The following COL25A1 variants were observed in gnomAD, a reference collection of about 807,000 sequenced individuals.
COL25A1 encodes collagen type XXV alpha 1 chain.
A neutral mutation model predicts 128.4 loss-of-function variants in COL25A1; 103 were observed. That is an observed-to-expected ratio of 0.80 (90% CI 0.68 to 0.94). COL25A1 has a LOEUF of 0.94. COL25A1 is among the 40% of genes least tolerant of loss of function. The pLI is 0.00. For synonymous variants in COL25A1, 279 were observed against 277.2 expected (o/e 1.01, Z -0.06); for missense variants, 745 against 840.0 (o/e 0.89, Z 1.40).
At chr4:109,080,733 A>G (rs189659158) in intron 3 of COL25A1, among the ~76,000 whole-genome samples, 1 of 152,294 alleles carries the variant, frequency 6.6e-6, no homozygotes, top group African/African-American at 2.4e-5. Flanking sequence ...CCTATTTATT[A>G]CTATTCTTTC....
At chr4:109,226,872 G>A (rs1192565275) in intron 3 of COL25A1, among the ~76,000 whole-genome samples, 1 of 151,972 alleles carries the variant, frequency 6.6e-6, no homozygotes, top group Admixed American at 6.5e-5. Flanking sequence ...AAACACTCAG[G>A]TATAGTAACA....
At chr4:108,931,139 T>G (rs1666534771) in intron 11 of COL25A1, among the ~76,000 whole-genome samples, 1 of 152,214 alleles carries the variant, frequency 6.6e-6, no homozygotes, top group Non-Finnish European at 1.5e-5. Flanking sequence ...TAAGACTTTC[T>G]TCTATTCAAA....
At chr4:108,989,832 T>C (rs891247863) in intron 6 of COL25A1, among the ~76,000 whole-genome samples, 1 of 152,168 alleles carries the variant, frequency 6.6e-6, no homozygotes. Context: ...TAAGTATATA[T>C]TTAAAATGTG....
intron 3 of COL25A1, among the ~76,000 whole-genome samples, chr4:109,259,999 CTCTT>C (rs1264434301): frequency 6.6e-6 from 1 of 152,230 alleles, no homozygotes; most frequent in African/African-American, 2.4e-5. Flanking sequence ...GCGATGCAAA[CTCTT>C]TCTCAAATTT....
At chr4:108,997,445 AG>A (rs1754893899) in intron 6 of COL25A1, among the ~76,000 whole-genome samples, 1 of 152,230 alleles carries the variant, frequency 6.6e-6, no homozygotes, top group African/African-American at 2.4e-5. Flanking sequence ...ATCTCTGAAT[AG>A]ACCAATAACA....
At chr4:109,252,460 G>A (rs1010327820) in intron 3 of COL25A1, among the ~76,000 whole-genome samples, 1 of 152,232 alleles carries the variant, frequency 6.6e-6, no homozygotes, top group African/African-American at 2.4e-5. Context: ...GCTGGGGCAA[G>A]TGGCTCACTG....
intron 6 of COL25A1, among the ~76,000 whole-genome samples, chr4:108,998,058 C>G (rs140088438): frequency 6.6e-6 from 1 of 152,126 alleles, no homozygotes; most frequent in Non-Finnish European, 1.5e-5. Context: ...CCTTTGAAAA[C>G]TGGCACAAGA....
At chr4:108,952,795 CAG>C (rs1158997025) in intron 8 of COL25A1, among the ~76,000 whole-genome samples, 1 of 144,712 alleles carries the variant, frequency 6.9e-6, no homozygotes, top group Non-Finnish European at 1.5e-5. Flanking sequence ...AAAGGGAAAA[CAG>C]GCATTTCTTC....
chr4:108,974,633 T>C, intron 6 of COL25A1, 74 bp from the exon 7 acceptor site: 2 of 1,245,798 alleles, frequency 1.6e-6, no homozygotes, highest in Non-Finnish European at 2.2e-6. Flanking sequence ...GCCAGGTTAG[T>C]TGAAAGATTC....
At chr4:108,876,597 T>C (rs1739486387) in intron 19 of COL25A1, among the ~76,000 whole-genome samples, 2 of 152,094 alleles carry the variant, frequency 1.3e-5, no homozygotes, top group South Asian at 4.1e-4. Context: ...AAAATATATA[T>C]AACATTATTT....
chr4:109,039,473 C>G (rs1226681006), intron 5 of COL25A1, among the ~76,000 whole-genome samples: 2 of 152,168 alleles, frequency 1.3e-5, no homozygotes, highest in East Asian at 3.9e-4. Context: ...TTGGAAAATA[C>G]ACACTACTTC....
At chr4:109,060,392 G>C (rs1349348928) in intron 3 of COL25A1, among the ~76,000 whole-genome samples, 1 of 152,078 alleles carries the variant, frequency 6.6e-6, no homozygotes, top group Non-Finnish European at 1.5e-5. Flanking sequence ...TGGCCCCCTT[G>C]ACCCCCACCT....
At chr4:109,244,160 GT>G (rs5860974) in intron 3 of COL25A1, among the ~76,000 whole-genome samples, 1 of 149,976 alleles carries the variant, frequency 6.7e-6, no homozygotes, top group Non-Finnish European at 1.5e-5. Flanking sequence ...AAAAAGCATG[GT>G]TTTTTTCATC....
chr4:108,884,967 A>G (rs1740609628), intron 18 of COL25A1, among the ~76,000 whole-genome samples: 1 of 152,222 alleles, frequency 6.6e-6, no homozygotes, highest in Non-Finnish European at 1.5e-5. Context: ...GAATGATAAT[A>G]AGAGGTTCCA....
chr4:108,869,971 GGC>G, intron 19 of COL25A1, among the ~76,000 whole-genome samples: 1 of 152,158 alleles, frequency 6.6e-6, no homozygotes, highest in East Asian at 1.9e-4. Context: ...TAAAATGTCA[GGC>G]TGGGTGCTGT....
intron 3 of COL25A1, among the ~76,000 whole-genome samples, chr4:109,110,865 C>G (rs560232833): frequency 6.6e-6 from 1 of 152,266 alleles, no homozygotes; most frequent in Non-Finnish European, 1.5e-5. Flanking sequence ...CTTAGTCTAG[C>G]TCTTCATCTA....
chr4:108,944,202 G>A (rs977429538), intron 8 of COL25A1, among the ~76,000 whole-genome samples: 3 of 152,108 alleles, frequency 2.0e-5, no homozygotes, highest in Non-Finnish European at 2.9e-5. Context: ...AAGTGGCTGC[G>A]TAGTTTTGAG....
chr4:109,026,135 C>T (rs1380527094), intron 5 of COL25A1, among the ~76,000 whole-genome samples: 3 of 150,690 alleles, frequency 2.0e-5, no homozygotes, highest in East Asian at 3.9e-4. Context: ...CACACACACA[C>T]ATATACTCTT....
intron 3 of COL25A1, among the ~76,000 whole-genome samples, chr4:109,118,092 G>A (rs1767771320): frequency 6.6e-6 from 1 of 151,356 alleles, no homozygotes; most frequent in African/African-American, 2.4e-5. Flanking sequence ...AAACATCAGT[G>A]GTCGAAATAC....
Sources: allele counts gnomAD v4.1 joint callset (sites outside exome capture counted in the v4.1 genomes callset), GRCh38; gene constraint gnomAD v4.1.1; transcripts MANE v1.5; gene names NCBI Gene and HGNC (gene_info 2026-07-23, HGNC 2026-07-21).